Variants in FCER1G observed in about 807,000 individuals in gnomAD.
FCER1G encodes the protein Fc epsilon receptor Ig.
FCER1G carries 7 observed loss-of-function variants against 17.3 expected under a neutral mutation model. The observed-to-expected ratio is 0.40, with a 90% CI of 0.23 to 0.76. The LOEUF is 0.76. Ranked by LOEUF, FCER1G falls within the 30% of genes least tolerant of loss-of-function variation. The probability of loss-of-function intolerance (pLI) is 0.35; values close to 1 mark genes in which losing one functional copy is unlikely to be tolerated. For missense variants in FCER1G, 87 were observed against 97.7 expected (o/e 0.89, Z 0.46); for synonymous variants, 35 against 38.7 (o/e 0.90, Z 0.35).
At chr1:161,216,411 C>T (rs12064021) in intron 1 of FCER1G, among the ~76,000 whole-genome samples, 30,766 of 127,674 alleles carry the variant, frequency 0.24, 2,880 homozygotes, top group East Asian at 0.32. Context: ...CACACACACA[C>T]ATATATATAT....
rs567071095 is a variant in FCER1G at position 161,216,431 on chromosome 1, G to T, written c.49+1061G>T. Among the ~76,000 whole-genome samples the T allele has an allele frequency of 9.8e-3, 1,455 of 148,262 alleles. 18 individuals are homozygous for T. Among genetic ancestry groups the T allele is most frequent in the Non-Finnish European group, 0.012 (838 of 67,226 alleles). On this transcript the variant is annotated intron_variant, in intron 1 of 4. Transcript: ENST00000289902. ...ACACACATATATATATATATATAGA[G>T]AGAGAGAGAGAGAGAGAGATAACCC...
intron 1 of FCER1G, among the ~76,000 whole-genome samples, chr1:161,216,969 C>T (rs185373389): frequency 6.6e-6 from 1 of 152,190 alleles, no homozygotes; most frequent in African/African-American, 2.4e-5. Context: ...CATTTGAGTT[C>T]CAGCTCTGTC....
At chr1:161,218,385 A>G (rs900688026) in intron 3 of FCER1G, 109 bp downstream of exon 3, 20 of 910,494 alleles carry the variant, frequency 2.2e-5, no homozygotes, top group East Asian at 7.2e-5. Flanking sequence ...TCAGGTGCTG[A>G]TCTGCATACA....
chr1:161,216,150 T>G (rs1666040052), intron 1 of FCER1G, among the ~76,000 whole-genome samples: 1 of 151,722 alleles, frequency 6.6e-6, no homozygotes, highest in Non-Finnish European at 1.5e-5. Context: ...TGGGAGCTGA[T>G]CTCTAGCTGG....
chr1:161,216,702 C>G (rs1351899444), intron 1 of FCER1G, among the ~76,000 whole-genome samples: 2 of 152,126 alleles, frequency 1.3e-5, no homozygotes, highest in Non-Finnish European at 2.9e-5. Context: ...ATTCTCACTC[C>G]TCGTTCACTC....
intron 1 of FCER1G, 28 bp downstream of exon 1, chr1:161,215,398 G>A (rs1666012001): frequency 1.9e-6 from 3 of 1,607,800 alleles, no homozygotes; most frequent in Non-Finnish European, 2.6e-6. Context: ...GGGATAGCGT[G>A]AGCTGGCTCC....
chr1:161,218,688 C>T lies in FCER1G; in HGVS notation c.178-15C>T. Reference sequence around the variant, plus strand: ...AGTGTGGGTCTTTAATGTTTTGCTTCTTTTGTCTCTGCAGAAATCAGATGG... The same window carrying T: ...AGTGTGGGTCTTTAATGTTTTGCTTTTTTTGTCTCTGCAGAAATCAGATGG... On this transcript the variant is annotated splice_polypyrimidine_tract_variant and intron_variant, in intron 3 of 4. Coordinates refer to ENST00000289902, the MANE Select transcript of FCER1G (RefSeq NM_004106.2). 6.2e-7 allele frequency: 1 copy of T among 1,613,990 alleles called. No individual in the cohort carries two copies. Among genetic ancestry groups the T allele is most frequent in the Non-Finnish European group, 8.5e-7 (1 of 1,179,932 alleles).
intron 2 of FCER1G, 58 bp downstream of exon 2, chr1:161,218,135 C>A: frequency 1.3e-6 from 2 of 1,535,870 alleles, no homozygotes; most frequent in Non-Finnish European, 1.8e-6. Context: ...AGGGCAGCAG[C>A]AAGGATTCGA....
At chr1:161,216,929 A>G (rs1666065779) in intron 1 of FCER1G, among the ~76,000 whole-genome samples, 1 of 152,186 alleles carries the variant, frequency 6.6e-6, no homozygotes, top group Non-Finnish European at 1.5e-5. Flanking sequence ...GGCACAAAGG[A>G]AAGCATGGGC....
intron 1 of FCER1G, among the ~76,000 whole-genome samples, chr1:161,216,377 T>A (rs199510387): frequency 8.3e-6 from 1 of 120,512 alleles, no homozygotes. Context: ...CACACACACA[T>A]ACACACACAC....
intron 3 of FCER1G, 121 bp from the exon 4 acceptor site, chr1:161,218,582 A>C (rs1325432929): frequency 2.1e-6 from 2 of 947,984 alleles, no homozygotes; most frequent in Non-Finnish European, 3.5e-6. Flanking sequence ...TGTCCATGTG[A>C]GTGCCCTCTA....
intron 2 of FCER1G, 53 bp from the exon 3 acceptor site, chr1:161,218,188 A>G: frequency 6.4e-7 from 1 of 1,569,174 alleles, no homozygotes; most frequent in East Asian, 2.2e-5. Context: ...TTTGGAGGGA[A>G]GGGGGATGGG....
intron 1 of FCER1G, among the ~76,000 whole-genome samples, chr1:161,216,023 G>A (rs1666033439): frequency 6.6e-6 from 1 of 152,050 alleles, no homozygotes; most frequent in Non-Finnish European, 1.5e-5. Context: ...CTCTTTTCAG[G>A]GTTGATAGAA....
intron 1 of FCER1G, among the ~76,000 whole-genome samples, chr1:161,216,421 T>TAGAGAG (rs1218274622): frequency 3.2e-4 from 45 of 142,056 alleles, no homozygotes; most frequent in East Asian, 3.1e-3. Flanking sequence ...CATATATATA[T>TAGAGAG]ATATATAGAG....
chr1:161,216,928 G>A (rs540507721), intron 1 of FCER1G, among the ~76,000 whole-genome samples: 51 of 152,298 alleles, frequency 3.3e-4, no homozygotes, highest in African/African-American at 1.2e-3. Flanking sequence ...AGGCACAAAG[G>A]AAAGCATGGG....
In FCER1G at chr1:161,215,381, T is replaced by G. The variant is rs768321150; in HGVS notation, c.49+11T>G. On this transcript the variant is annotated intron_variant, in intron 1 of 4. Coordinates refer to ENST00000289902, the MANE Select transcript of FCER1G (RefSeq NM_004106.2). ...TGGTTGAACAAGCAGGTAAGAGGGT[T>G]TGGTGAGGGATAGCGTGAGCTGGCT... 5 of 1,612,230 alleles carry G rather than the reference T, an allele frequency of 3.1e-6. No individual in the cohort carries two copies. Among genetic ancestry groups the G allele is most frequent in the Non-Finnish European group, 4.2e-6 (5 of 1,178,594 alleles).
rs943992874 is a variant in FCER1G, at chr1:161,218,645, C to G, written c.178-58C>G. 8 of 1,601,544 alleles carry G rather than the reference C, an allele frequency of 5.0e-6. No individual in the cohort carries two copies. In the African/African-American group the frequency reaches 1.1e-4, roughly 21 times the overall value. ...CATGCCTCCCTGGGTGGGGCAGATG[C>G]TGAGGGGCCCTGGAGAAAGTGTGGG... is the stretch of plus-strand genomic sequence containing the variant. On this transcript the variant is annotated intron_variant, in intron 3 of 4. Transcript: ENST00000289902.
intron 1 of FCER1G, among the ~76,000 whole-genome samples, chr1:161,216,411 C>CACACACACACACATAT (rs1491150470): frequency 3.9e-5 from 5 of 129,744 alleles, no homozygotes; most frequent in African/African-American, 1.2e-4. Flanking sequence ...CACACACACA[C>CACACACACACACATAT]ATATATATAT....
rs1280668816 is a variant in FCER1G at position 161,215,297 on chromosome 1, C to G, written c.-25C>G. 6.2e-7 allele frequency: 1 copy of G among 1,612,502 alleles called. No homozygotes were observed. Among genetic ancestry groups the G allele is most frequent in the Non-Finnish European group, 8.5e-7 (1 of 1,178,756 alleles). ...GCTGAGCACAGCTGCACAGTGCTGTCAGAACGGCCGATCTCCAGCCCAAGA... is the reference window on the plus strand; with the variant it reads ...GCTGAGCACAGCTGCACAGTGCTGTGAGAACGGCCGATCTCCAGCCCAAGA... On this transcript the variant is annotated 5_prime_UTR_variant, in exon 1 of 5. Coordinates refer to ENST00000289902, the MANE Select transcript of FCER1G (RefSeq NM_004106.2).
Sources: allele counts gnomAD v4.1 joint callset (sites outside exome capture counted in the v4.1 genomes callset), GRCh38; gene constraint gnomAD v4.1.1; transcripts MANE v1.5; gene names NCBI Gene and HGNC (gene_info 2026-07-23, HGNC 2026-07-21).